The following MAML3 variants were observed in gnomAD, a reference collection of about 807,000 sequenced individuals.
MAML3 encodes the protein mastermind like transcriptional coactivator 3.
Under a neutral mutation model 101.9 loss-of-function variants are expected in MAML3, and 27 were observed. The observed-to-expected ratio is 0.27, with a 90% confidence interval of 0.20 to 0.37. The LOEUF (loss-of-function observed/expected upper bound fraction) is 0.37. MAML3 is among the 10% of genes least tolerant of loss of function. The pLI, the probability that MAML3 is intolerant of heterozygous loss-of-function variation, is 1.00. For synonymous variants in MAML3, 501 were observed against 555.9 expected (o/e 0.90, Z 1.39); for missense variants, 1,316 against 1,444.9 (o/e 0.91, Z 1.45).
intron 1 of MAML3, among the ~76,000 whole-genome samples, chr4:140,017,708 A>C (rs1726664119): frequency 7.2e-6 from 1 of 138,348 alleles, no homozygotes; most frequent in Admixed American, 7.9e-5. Flanking sequence ...ACAGTATGTG[A>C]TTCTGTTTAT....
chr4:140,143,229 T>C (rs1341039489), intron 1 of MAML3, among the ~76,000 whole-genome samples: 1 of 152,202 alleles, frequency 6.6e-6, no homozygotes, highest in Non-Finnish European at 1.5e-5. Context: ...GCATCCTCAG[T>C]GGCTAGAACA....
chr4:139,824,162 G>A (rs774625143), intron 2 of MAML3, among the ~76,000 whole-genome samples: 9 of 152,186 alleles, frequency 5.9e-5, no homozygotes, highest in Non-Finnish European at 1.3e-4. Context: ...ATTTCAGAAG[G>A]AAATAAGCCA....
intron 2 of MAML3, among the ~76,000 whole-genome samples, chr4:139,829,619 C>T (rs1731126754): frequency 6.6e-6 from 1 of 152,142 alleles, no homozygotes; most frequent in African/African-American, 2.4e-5. Flanking sequence ...GGAAGAATGA[C>T]AATGACAAGA....
intron 1 of MAML3, among the ~76,000 whole-genome samples, chr4:139,919,765 G>A (rs150365554): frequency 3.9e-4 from 59 of 152,244 alleles, no homozygotes; most frequent in African/African-American, 1.3e-3. Flanking sequence ...ATTTTTGTTT[G>A]TTCATTTGTT....
intron 1 of MAML3, among the ~76,000 whole-genome samples, chr4:140,109,919 T>C (rs1728411911): frequency 6.6e-6 from 1 of 152,208 alleles, no homozygotes; most frequent in African/African-American, 2.4e-5. Flanking sequence ...GTAATTACCA[T>C]CTTCCACTCA....
intron 1 of MAML3, among the ~76,000 whole-genome samples, chr4:140,137,712 C>G (rs1238962180): frequency 1.3e-5 from 2 of 152,350 alleles, no homozygotes; most frequent in East Asian, 3.9e-4. Flanking sequence ...GCCAATCCTC[C>G]TTTCTTCTTC....
chr4:139,755,255 A>G (rs183445707), intron 2 of MAML3, among the ~76,000 whole-genome samples: 5 of 152,338 alleles, frequency 3.3e-5, no homozygotes, highest in Admixed American at 2.0e-4. Flanking sequence ...CATTAGAGAA[A>G]GCCTGCTCCT....
At position 139,727,029 on chromosome 4, in the gene MAML3, G is replaced by C. The variant is rs188440391; in HGVS notation, c.2332-1194C>G. Among the ~76,000 whole-genome samples, 18 of 152,264 alleles carry C rather than the reference G, an allele frequency of 1.2e-4. No individual in the cohort carries two copies. In the East Asian group the frequency reaches 3.5e-3, roughly 29 times the overall value. ...AAGGGCTATAAAGAATATACAACAAGGTCCCTGTTCTTTAGAGTGTTCATT... is the reference window on the plus strand; with the variant it reads ...AAGGGCTATAAAGAATATACAACAACGTCCCTGTTCTTTAGAGTGTTCATT... On this transcript the variant is annotated intron_variant, in intron 3 of 4. Coordinates refer to ENST00000509479, the MANE Select transcript of MAML3 (RefSeq NM_018717.5).
At chr4:140,006,787 CAAAT>C (rs1217294172) in intron 1 of MAML3, among the ~76,000 whole-genome samples, 1 of 151,774 alleles carries the variant, frequency 6.6e-6, no homozygotes, top group African/African-American at 2.4e-5. Context: ...AGTCGTCTAT[CAAAT>C]AAAAATAATA....
At chr4:139,892,206 T>C (rs563035775) in intron 1 of MAML3, among the ~76,000 whole-genome samples, 1 of 152,360 alleles carries the variant, frequency 6.6e-6, no homozygotes, top group Non-Finnish European at 1.5e-5. Context: ...AATGTTCTCC[T>C]GCTGGATATT....
intron 2 of MAML3, among the ~76,000 whole-genome samples, chr4:139,844,939 A>G (rs1731416654): frequency 6.6e-6 from 1 of 152,038 alleles, no homozygotes; most frequent in Admixed American, 6.6e-5. Context: ...TGATATCATC[A>G]ATATGGTTTT....
chr4:139,825,317 C>G (rs184853084), intron 2 of MAML3, among the ~76,000 whole-genome samples: 2 of 152,282 alleles, frequency 1.3e-5, no homozygotes, highest in African/African-American at 4.8e-5. Context: ...TTTACTTTCT[C>G]TGGCTGAACA....
intron 2 of MAML3, among the ~76,000 whole-genome samples, chr4:139,741,236 G>C (rs893539767): frequency 6.6e-6 from 1 of 152,186 alleles, no homozygotes; most frequent in African/African-American, 2.4e-5. Context: ...GATTGTGGCT[G>C]ACGACCAGCT....
intron 2 of MAML3, among the ~76,000 whole-genome samples, chr4:139,866,196 A>ATATTGTAC (rs1390887163): frequency 6.6e-6 from 1 of 152,232 alleles, no homozygotes; most frequent in Non-Finnish European, 1.5e-5. Flanking sequence ...CTGATAGGAC[A>ATATTGTAC]TATTGTACTT....
intron 1 of MAML3, among the ~76,000 whole-genome samples, chr4:140,146,305 T>C (rs1188798488): frequency 1.3e-5 from 2 of 152,116 alleles, no homozygotes; most frequent in Non-Finnish European, 2.9e-5. Context: ...CTGTCCCAAA[T>C]GGAGAAAGGA....
intron 1 of MAML3, among the ~76,000 whole-genome samples, chr4:140,091,537 CAAAAACAAAACA>C (rs1455794768): frequency 4.2e-5 from 3 of 71,600 alleles, no homozygotes; most frequent in Non-Finnish European, 8.2e-5. Context: ...AACAACAAAA[CAAAAACAAAACA>C]AAAAAAAAAA....
At chr4:139,927,497 T>C (rs1300860996) in intron 1 of MAML3, among the ~76,000 whole-genome samples, 1 of 152,250 alleles carries the variant, frequency 6.6e-6, no homozygotes, top group Non-Finnish European at 1.5e-5. Context: ...CCACTAATTT[T>C]AGCACCAATC....
intron 1 of MAML3, among the ~76,000 whole-genome samples, chr4:140,039,567 C>T (rs888398304): frequency 6.6e-6 from 1 of 152,192 alleles, no homozygotes; most frequent in African/African-American, 2.4e-5. Context: ...CTCCTCTTGA[C>T]CCCCATAGCA....
At chr4:140,112,943 C>T (rs974629665) in intron 1 of MAML3, among the ~76,000 whole-genome samples, 8 of 152,138 alleles carry the variant, frequency 5.3e-5, no homozygotes, top group African/African-American at 9.7e-5. Context: ...AGGGGAGTTT[C>T]GAGTTTTGTA....
Sources: gnomAD v4.1 joint callset for allele counts (sites outside exome capture counted in the v4.1 genomes callset) on GRCh38, gnomAD v4.1.1 for gene constraint, MANE v1.5 for transcripts, NCBI Gene and HGNC (gene_info 2026-07-23, HGNC 2026-07-21) for gene names.